Variants in KAT6B observed in about 807,000 individuals in gnomAD.
KAT6B encodes histone acetyltransferase KAT6B.
KAT6B carries 10 observed loss-of-function variants against 187.5 expected under a neutral mutation model. The observed-to-expected ratio is 0.05, with a 90% CI of 0.03 to 0.09. The LOEUF is 0.09. Ranked by LOEUF, KAT6B falls within the 10% of genes least tolerant of loss-of-function variation. The pLI is 1.00. For missense variants in KAT6B, 1,952 were observed against 2,558.9 expected (o/e 0.76, Z 5.12); for synonymous variants, 861 against 926.8 (o/e 0.93, Z 1.29).
intron 4 of KAT6B, among the ~76,000 whole-genome samples, chr10:74,962,692 TATG>T (rs1215252913): frequency 2.6e-5 from 4 of 152,342 alleles, no homozygotes; most frequent in Middle Eastern, 3.4e-3. Flanking sequence ...GTACCATTCA[TATG>T]ATGTCACATT....
In KAT6B at chr10:74,977,214, C is replaced by T; in HGVS notation, c.1994-102C>T. 3.2e-6 allele frequency: 4 copies of T among 1,248,914 alleles called. No homozygotes were observed. In the South Asian group the frequency reaches 5.1e-5, roughly 16 times the overall value. The allele number at this position is 1,248,914 out of a possible 1,614,324, so 77.4% of individuals were successfully genotyped here. A position where few individuals can be genotyped will look rare whatever the true frequency, so the allele number is the denominator to read the frequency against. ...TATTTATAAAGCTTTAAAAAAAATC[C>T]CTATTTGCCCAGTATGCTAATTTGG... On this transcript the variant is annotated intron_variant, in intron 8 of 17. Coordinates refer to ENST00000287239, the MANE Select transcript of KAT6B (RefSeq NM_012330.4).
intron 3 of KAT6B, among the ~76,000 whole-genome samples, chr10:74,924,768 CAG>C (rs995771058): frequency 2.0e-5 from 3 of 152,188 alleles, no homozygotes; most frequent in African/African-American, 7.2e-5. Flanking sequence ...GCCAAAAGAA[CAG>C]AAAGTTGGAT....
At chr10:74,981,754 C>G (rs770918649) in intron 10 of KAT6B, 33 bp from the exon 11 acceptor site, 1 of 1,398,582 alleles carries the variant, frequency 7.2e-7, no homozygotes, top group Non-Finnish European at 1.0e-6. Flanking sequence ...TATAATCTAT[C>G]TGATAGATTC....
intron 17 of KAT6B, among the ~76,000 whole-genome samples, chr10:75,026,990 T>A (rs1845899542): frequency 6.6e-6 from 1 of 152,018 alleles, no homozygotes; most frequent in Non-Finnish European, 1.5e-5. Context: ...ACAAAAAAAT[T>A]AGCTGGGTGT....
chr10:75,028,743 A>G lies in KAT6B; in HGVS notation c.3919A>G (p.Ile1307Val), dbSNP rs1437168883. 1 of 1,614,102 alleles carries G rather than the reference A, an allele frequency of 6.2e-7. No homozygotes were observed. The highest frequency in any genetic ancestry group is 8.5e-7 in the Non-Finnish European group (1 of 1,180,034). The change falls in exon 18 of 18, where the codon ATT becomes GTT. Residue 1307 changes from isoleucine to valine, a missense_variant. Around this residue, in one of 9 missense-constraint regions of KAT6B, gnomAD observed 758 missense variants for 891.4 expected, o/e 0.85. Transcript: ENST00000287239. ...AAAAACCAGCCCCAGTCCCATCAGG[A>G]TTGAGGAGGAGGTCAAGGAAACTGG... Reference protein sequence around the residue: ...EGKTSPSPIRIEEEVKETGEA... With the variant: ...EGKTSPSPIRVEEEVKETGEA...
chr10:74,880,365 G>A (rs1398267387), intron 3 of KAT6B, among the ~76,000 whole-genome samples: 2 of 152,124 alleles, frequency 1.3e-5, no homozygotes, highest in Non-Finnish European at 2.9e-5. Flanking sequence ...CTTTCACTGA[G>A]CATAATTTTT....
intron 4 of KAT6B, among the ~76,000 whole-genome samples, chr10:74,965,628 A>T (rs1033940514): frequency 9.2e-5 from 14 of 152,234 alleles, no homozygotes; most frequent in African/African-American, 3.4e-4. Flanking sequence ...TTTTAATCTT[A>T]TAGTTGTAGG....
chr10:74,836,776 T>G (rs1385745606), intron 1 of KAT6B, among the ~76,000 whole-genome samples: 3 of 152,184 alleles, frequency 2.0e-5, no homozygotes, highest in African/African-American at 7.2e-5. Flanking sequence ...CTGTTCTGTT[T>G]CGGAAGATAC....
At chr10:74,874,440 C>T (rs1257239912) in intron 3 of KAT6B, among the ~76,000 whole-genome samples, 1 of 152,022 alleles carries the variant, frequency 6.6e-6, no homozygotes, top group African/African-American at 2.4e-5. Flanking sequence ...AGTGCAGTGG[C>T]GCAATCTCGG....
At position 74,969,763 on chromosome 10, in the gene KAT6B, A is replaced by G. The variant is rs771349645; in HGVS notation, c.834A>G (p.Gln278=). Residue 278 remains glutamine, a synonymous_variant, in exon 5 of 18, where the codon CAA becomes CAG. Coordinates refer to ENST00000287239, the MANE Select transcript of KAT6B (RefSeq NM_012330.4). The part of the protein sequence containing the change: ...ECKTCSACRV[Q]GRNADNMLFC... ...AGACATGCAGTGCCTGTAGAGTCCA[A>G]GGCAGAAATGCTGTAAGTATGGCTC... 6.2e-7 allele frequency: 1 copy of G among 1,610,436 alleles called. No homozygotes were observed. The highest frequency in any genetic ancestry group is 1.1e-5 in the South Asian group (1 of 90,994).
At chr10:74,948,872 C>T (rs1840123837) in intron 3 of KAT6B, among the ~76,000 whole-genome samples, 1 of 152,208 alleles carries the variant, frequency 6.6e-6, no homozygotes, top group Non-Finnish European at 1.5e-5. Flanking sequence ...TTTTCAGAAT[C>T]TAGTGCCCAG....
At chr10:74,940,156 T>C (rs1359836585) in intron 3 of KAT6B, among the ~76,000 whole-genome samples, 1 of 152,214 alleles carries the variant, frequency 6.6e-6, no homozygotes, top group African/African-American at 2.4e-5. Flanking sequence ...AAAATGTCTT[T>C]GTACTGTGTG....
intron 7 of KAT6B, 113 bp downstream of exon 7, chr10:74,972,752 A>G (rs1308162172): frequency 1.6e-5 from 16 of 1,010,282 alleles, no homozygotes; most frequent in Non-Finnish European, 1.5e-6. Context: ...TTCAAACTCA[A>G]GGGTTGAAAA....
rs1033791412 is a variant in KAT6B at position 74,972,724 on chromosome 10, G to T, written c.1061+85G>T. 1.9e-4 allele frequency: 242 copies of T among 1,274,052 alleles called. No homozygotes were observed. The Admixed American group carries it at 4.5e-3, about 24-fold the overall frequency. The allele number at this position is 1,274,052 out of a possible 1,614,324, so 78.9% of individuals were successfully genotyped here. ...GTTATTCTCTCAGATTCCTTTAGGG[G>T]TTTTTTGGCATCATTTTTTCAAACT... On this transcript the variant is annotated intron_variant, in intron 7 of 17. Transcript: ENST00000287239.
At chr10:74,969,823 A>T in intron 5 of KAT6B, 48 bp downstream of exon 5, 1 of 1,351,462 alleles carries the variant, frequency 7.4e-7, no homozygotes, top group Middle Eastern at 1.8e-4. Context: ...GCTAATTTCC[A>T]GTGTTAAGGT....
At chr10:75,011,256 A>G (rs1445776165) in intron 13 of KAT6B, among the ~76,000 whole-genome samples, 1 of 152,180 alleles carries the variant, frequency 6.6e-6, no homozygotes. Flanking sequence ...TAAAATGCCA[A>G]ATTACTTCAT....
chr10:75,000,781 G>A, intron 13 of KAT6B, among the ~76,000 whole-genome samples: 1 of 152,184 alleles, frequency 6.6e-6, no homozygotes, highest in Non-Finnish European at 1.5e-5. Flanking sequence ...GAACAAGGCT[G>A]TAACTATAGG....
chr10:74,861,374 T>C (rs1843175876), intron 3 of KAT6B, among the ~76,000 whole-genome samples: 2 of 152,244 alleles, frequency 1.3e-5, no homozygotes, highest in African/African-American at 4.8e-5. Context: ...GGAGTGATCA[T>C]CACTTTTAGA....
At chr10:74,883,724 G>C (rs1353490261) in intron 3 of KAT6B, among the ~76,000 whole-genome samples, 1 of 152,196 alleles carries the variant, frequency 6.6e-6, no homozygotes. Flanking sequence ...TGAATGTATA[G>C]AATTGAGACT....
Sources: gnomAD v4.1 joint callset for allele counts (sites outside exome capture counted in the v4.1 genomes callset) on GRCh38, gnomAD v4.1.1 for gene constraint, gnomAD v4.1.1 regional missense constraint, MANE v1.5 for transcripts, NCBI Gene and HGNC (gene_info 2026-07-23, HGNC 2026-07-21) for gene names.